Variants in TMEM185A observed in about 807,000 individuals in gnomAD.
TMEM185A encodes the protein family with sequence similarity 11, member A.
In TMEM185A, 9 loss-of-function variants were observed where a neutral mutation model predicts 25.0. The ratio of observed to expected loss-of-function variants is 0.36; its 90% CI spans 0.22 to 0.63. The LOEUF (loss-of-function observed/expected upper bound fraction) is 0.63, where lower values mean the gene tolerates loss of function less well. Among genes scored for constraint, TMEM185A ranks in the 20% least tolerant of loss-of-function variants. The pLI is 0.68. For synonymous variants in TMEM185A, 45 were observed against 93.5 expected (o/e 0.48, Z 2.99); for missense variants, 103 against 237.4 (o/e 0.43, Z 3.72).
chrX:149,626,013 T>C (rs782780388), intron 1 of TMEM185A, among the ~76,000 whole-genome samples: 1 of 112,463 alleles, frequency 8.9e-6, no homozygotes, highest in African/African-American at 3.2e-5. Context: ...ACAGGCTTCA[T>C]GAGACTGACG....
At chrX:149,622,729 A>G (rs781798541) in intron 1 of TMEM185A, among the ~76,000 whole-genome samples, 1 of 110,852 alleles carries the variant, frequency 9.0e-6, no homozygotes, top group Admixed American at 9.5e-5. Context: ...GAGGGAGATG[A>G]TGTATCAACA....
chrX:149,605,906 A>G (rs782464943), intron 3 of TMEM185A, among the ~76,000 whole-genome samples: 57 of 111,903 alleles, frequency 5.1e-4, no homozygotes, highest in Non-Finnish European at 8.3e-4. Context: ...GAGCTTCCCA[A>G]AAGTTCTCAG....
At chrX:149,630,735 C>A (rs1557356528) in intron 1 of TMEM185A, among the ~76,000 whole-genome samples, 2 of 111,075 alleles carry the variant, frequency 1.8e-5, no homozygotes, top group Non-Finnish European at 3.8e-5. Context: ...GCGCTGGGGA[C>A]ACTGAGATGA....
chrX:149,605,304 TGTCACTATGGCCTCCCA>T (rs2090042119), intron 3 of TMEM185A: 11 of 65,373 alleles, frequency 1.7e-4, no homozygotes, highest in South Asian at 6.0e-4. Flanking sequence ...TGGCCTCCCA[TGTCACTATGGCCTCCCA>T]TGTCACTTTC....
Position 149,609,966 on chromosome X carries a change from C to G in TMEM185A, c.216-1132G>C, listed in dbSNP as rs782422002. On this transcript the variant is annotated intron_variant, in intron 2 of 6. Coordinates refer to ENST00000600449, the MANE Select transcript of TMEM185A (RefSeq NM_032508.4). ...AAAAAATAAAACACATACAGCCACA[C>G]AGGTCATCAATCTTTCAAAAAAAAT... Among the ~76,000 whole-genome samples, 3 of 111,642 alleles carry G rather than the reference C, an allele frequency of 2.7e-5. No individual in the cohort carries two copies. In the South Asian group the frequency reaches 1.1e-3, roughly 42 times the overall value.
intron 2 of TMEM185A, among the ~76,000 whole-genome samples, chrX:149,610,119 G>A (rs2124212298): frequency 9.0e-6 from 1 of 111,049 alleles, no homozygotes; most frequent in Admixed American, 9.6e-5. Flanking sequence ...TTCATATTTA[G>A]TAAACAAAAA....
chrX:149,612,089 G>A (rs1557354574), intron 1 of TMEM185A, among the ~76,000 whole-genome samples: 6 of 112,204 alleles, frequency 5.3e-5, no homozygotes, highest in Non-Finnish European at 3.8e-5. Flanking sequence ...TGCTACAGAG[G>A]ATGTCCTTGA....
intron 1 of TMEM185A, among the ~76,000 whole-genome samples, chrX:149,618,888 A>G (rs1429048768): frequency 8.9e-6 from 1 of 112,259 alleles, no homozygotes; most frequent in Admixed American, 9.4e-5. Flanking sequence ...ATCTATATTT[A>G]CATTCATTCT....
At chrX:149,607,688 G>C (rs1324913897) in intron 3 of TMEM185A, among the ~76,000 whole-genome samples, 1 of 112,281 alleles carries the variant, frequency 8.9e-6, no homozygotes, top group Non-Finnish European at 1.9e-5. Flanking sequence ...AATGTTTATT[G>C]AATGAATAAA....
chrX:149,608,215 T>C (rs781894651), intron 3 of TMEM185A, among the ~76,000 whole-genome samples: 1 of 112,587 alleles, frequency 8.9e-6, no homozygotes, highest in East Asian at 2.8e-4. Flanking sequence ...ATTTCCATCA[T>C]CTTTTGTTGC....
rs1416753391 is a variant in TMEM185A, at chrX:149,605,357, G to A, written c.424-1287C>T. ...TATGGCCTCCCATGTCACTTTCTAT[G>A]GCCTCCCATGTCACTTTCTATAGCC... On this transcript the variant is annotated intron_variant, in intron 3 of 6. Coordinates refer to ENST00000600449, the MANE Select transcript of TMEM185A (RefSeq NM_032508.4). Among the ~76,000 whole-genome samples, 446 of 65,205 alleles carry A rather than the reference G, an allele frequency of 6.8e-3. 2 individuals are homozygous for A. Among genetic ancestry groups the A allele is most frequent in the African/African-American group, 0.011 (159 of 13,967 alleles). 56.6% of individuals were successfully genotyped at this position (65,205 alleles called of 115,157 possible).
intron 1 of TMEM185A, among the ~76,000 whole-genome samples, chrX:149,620,209 G>A (rs1296408965): frequency 8.9e-6 from 1 of 111,956 alleles, no homozygotes; most frequent in Non-Finnish European, 1.9e-5. Flanking sequence ...GTGGCTTCCT[G>A]CATTTTCAAG....
At chrX:149,614,999 T>A (rs1004333485) in intron 1 of TMEM185A, among the ~76,000 whole-genome samples, 8 of 112,212 alleles carry the variant, frequency 7.1e-5, no homozygotes, top group Admixed American at 5.6e-4. Flanking sequence ...GAAGCCAGCA[T>A]TACCCTGATA....
chrX:149,622,993 C>T (rs2090146879), intron 1 of TMEM185A, among the ~76,000 whole-genome samples: 1 of 112,457 alleles, frequency 8.9e-6, no homozygotes, highest in Non-Finnish European at 1.9e-5. Context: ...CTGGGATATC[C>T]ATCACCTCAA....
At position 149,614,750 on chromosome X, in the gene TMEM185A, AT is replaced by A. The variant is rs1557354867; in HGVS notation, c.39-3288del. Among the ~76,000 whole-genome samples, 8 of 111,861 alleles carry A rather than the reference AT, an allele frequency of 7.2e-5. No individual in the cohort carries two copies. In the East Asian group the frequency reaches 1.1e-3, roughly 16 times the overall value. ...ACTAATATCAAGAATGAAAACAGGG[AT>A]ATCACTACAAATCCTAATAATACTA... On this transcript the variant is annotated intron_variant, in intron 1 of 6. Transcript: ENST00000600449.
At chrX:149,626,623 G>A (rs1017606789) in intron 1 of TMEM185A, among the ~76,000 whole-genome samples, 1 of 112,295 alleles carries the variant, frequency 8.9e-6, no homozygotes, top group Non-Finnish European at 1.9e-5. Flanking sequence ...AAGAACAGTG[G>A]GCCCAGGGGA....
chrX:149,597,815 ACCC>A lies in TMEM185A; in HGVS notation c.*193_*195del. Reference sequence around the variant, plus strand: ...CTGGCATCCGCATCTGCTGGCACACACCCCCGTCACCTGCCACTTCCGCGTCCC... The same window carrying A: ...CTGGCATCCGCATCTGCTGGCACACACCGTCACCTGCCACTTCCGCGTCCC... On this transcript the variant is annotated 3_prime_UTR_variant, in exon 7 of 7. Transcript: ENST00000600449. 5.5e-6 allele frequency: 2 copies of A among 364,820 alleles called. No homozygotes were observed. Among genetic ancestry groups the A allele is most frequent in the Non-Finnish European group, 9.6e-6 (2 of 207,972 alleles). 30.1% of individuals were successfully genotyped at this position (364,820 alleles called of 1,213,427 possible).
intron 1 of TMEM185A, among the ~76,000 whole-genome samples, chrX:149,619,277 C>T (rs1453449390): frequency 1.8e-5 from 2 of 111,888 alleles, no homozygotes; most frequent in Non-Finnish European, 3.8e-5. Flanking sequence ...TACTTACTAT[C>T]TTCACCAACT....
At chrX:149,620,220 A>G (rs975264203) in intron 1 of TMEM185A, among the ~76,000 whole-genome samples, 70 of 112,264 alleles carry the variant, frequency 6.2e-4, no homozygotes, top group Admixed American at 3.6e-3. Context: ...CATTTTCAAG[A>G]AAATGTCTGC....
Sources: allele counts gnomAD v4.1 joint callset (sites outside exome capture counted in the v4.1 genomes callset), GRCh38; gene constraint gnomAD v4.1.1; transcripts MANE v1.5; gene names NCBI Gene and HGNC (gene_info 2026-07-23, HGNC 2026-07-21).